ZNF804B: variants seen among roughly 807,000 people sequenced by gnomAD.
The protein encoded by ZNF804B is zinc finger 804B.
In ZNF804B, 80 loss-of-function variants were observed where a neutral mutation model predicts 101.4. The observed-to-expected ratio is 0.79, with a 90% CI of 0.66 to 0.95. The LOEUF is 0.95. Among genes scored for constraint, ZNF804B ranks in the 40% least tolerant of loss-of-function variants. The probability of loss-of-function intolerance (pLI) is 0.00; values close to 1 mark genes in which losing one functional copy is unlikely to be tolerated. For synonymous variants in ZNF804B, 622 were observed against 558.8 expected (o/e 1.11, Z -1.59); for missense variants, 1,673 against 1,561.9 (o/e 1.07, Z -1.20).
intron 2 of ZNF804B, among the ~76,000 whole-genome samples, chr7:89,219,887 A>G (rs1788956678): frequency 6.7e-6 from 1 of 148,326 alleles, no homozygotes; most frequent in African/African-American, 2.5e-5. Context: ...ATATGTGTGT[A>G]TATATGTATA....
intron 1 of ZNF804B, among the ~76,000 whole-genome samples, chr7:88,765,434 G>A (rs2698210): frequency 0.38 from 57,756 of 151,902 alleles, 13,680 homozygotes; most frequent in African/African-American, 0.68. Context: ...ACTAAAATAC[G>A]TATTTTTATG....
At chr7:89,142,429 C>T (rs149103995) in intron 1 of ZNF804B, among the ~76,000 whole-genome samples, 3 of 152,110 alleles carry the variant, frequency 2.0e-5, no homozygotes, top group East Asian at 3.9e-4. Flanking sequence ...ATGCCTTGAA[C>T]ATTCCAAATA....
At chr7:88,918,504 T>G (rs1792669839) in intron 1 of ZNF804B, among the ~76,000 whole-genome samples, 1 of 152,160 alleles carries the variant, frequency 6.6e-6, no homozygotes, top group South Asian at 2.1e-4. Context: ...AACTTTAATT[T>G]TAAACATTTG....
intron 1 of ZNF804B, among the ~76,000 whole-genome samples, chr7:89,109,072 G>T: frequency 6.6e-6 from 1 of 151,714 alleles, no homozygotes; most frequent in Admixed American, 6.6e-5. Context: ...TAATTAGTAA[G>T]AGAACATCAA....
intron 1 of ZNF804B, among the ~76,000 whole-genome samples, chr7:89,071,195 G>A (rs548335778): frequency 6.6e-6 from 1 of 152,120 alleles, no homozygotes; most frequent in East Asian, 1.9e-4. Context: ...CCCTTTTTCT[G>A]AGTGTTTTTG....
chr7:88,992,898 T>A (rs114025157), intron 1 of ZNF804B, among the ~76,000 whole-genome samples: 1 of 152,076 alleles, frequency 6.6e-6, no homozygotes, highest in African/African-American at 2.4e-5. Flanking sequence ...AGTTCACAGT[T>A]ACCTGTGAGG....
chr7:89,270,400 G>A (rs1021392611), intron 2 of ZNF804B, among the ~76,000 whole-genome samples: 1 of 151,788 alleles, frequency 6.6e-6, no homozygotes, highest in Admixed American at 6.6e-5. Context: ...ATTTTTGAGG[G>A]CTCTGTTCTG....
chr7:88,840,163 A>G (rs1791274667), intron 1 of ZNF804B, among the ~76,000 whole-genome samples: 1 of 152,172 alleles, frequency 6.6e-6, no homozygotes, highest in Non-Finnish European at 1.5e-5. Context: ...GCACAGAGGC[A>G]GAGTTCTGCA....
intron 1 of ZNF804B, among the ~76,000 whole-genome samples, chr7:89,177,417 A>G (rs796933659): frequency 6.6e-6 from 1 of 152,190 alleles, no homozygotes; most frequent in African/African-American, 2.4e-5. Flanking sequence ...ATGCGTTTGT[A>G]TAGTTTCTGA....
At chr7:89,136,321 A>AT (rs1163281312) in intron 1 of ZNF804B, among the ~76,000 whole-genome samples, 2 of 151,968 alleles carry the variant, frequency 1.3e-5, no homozygotes, top group Non-Finnish European at 2.9e-5. Context: ...TTGTGTGTGT[A>AT]TTTTTTTGGG....
At chr7:89,246,876 G>C (rs556058971) in intron 2 of ZNF804B, among the ~76,000 whole-genome samples, 32 of 152,212 alleles carry the variant, frequency 2.1e-4, no homozygotes, top group African/African-American at 7.0e-4. Flanking sequence ...CACCCTTCCT[G>C]TGCAGAGATC....
chr7:88,872,115 T>C (rs1232545693), intron 1 of ZNF804B, among the ~76,000 whole-genome samples: 2 of 152,254 alleles, frequency 1.3e-5, no homozygotes, highest in Non-Finnish European at 2.9e-5. Flanking sequence ...GGATTAATTC[T>C]TAAGTGTCTC....
At chr7:89,300,637 C>T (rs973845416) in intron 2 of ZNF804B, among the ~76,000 whole-genome samples, 1 of 151,750 alleles carries the variant, frequency 6.6e-6, no homozygotes, top group African/African-American at 2.4e-5. Flanking sequence ...AGCTGGAGAG[C>T]ATTGGAATGG....
intron 2 of ZNF804B, among the ~76,000 whole-genome samples, chr7:89,256,213 A>G (rs1022222477): frequency 3.3e-5 from 5 of 152,164 alleles, no homozygotes; most frequent in African/African-American, 1.2e-4. Flanking sequence ...TCTTATCAAA[A>G]CTGTTTATAA....
chr7:88,777,891 C>A (rs1790168909), intron 1 of ZNF804B, among the ~76,000 whole-genome samples: 1 of 148,454 alleles, frequency 6.7e-6, no homozygotes, highest in Non-Finnish European at 1.5e-5. Flanking sequence ...GAGGAAGTGG[C>A]ATTAACTAAT....
At chr7:89,183,397 A>AG (rs769809993) in intron 1 of ZNF804B, among the ~76,000 whole-genome samples, 12 of 152,268 alleles carry the variant, frequency 7.9e-5, no homozygotes, top group Admixed American at 3.9e-4. Flanking sequence ...GTAAAAAAAA[A>AG]GATCCTAAAA....
At chr7:88,888,407 T>G (rs1792166409) in intron 1 of ZNF804B, among the ~76,000 whole-genome samples, 1 of 152,038 alleles carries the variant, frequency 6.6e-6, no homozygotes, top group African/African-American at 2.4e-5. Context: ...TATATATATA[T>G]TAGTTTTATG....
At chr7:89,172,717 A>G (rs1012498530) in intron 1 of ZNF804B, among the ~76,000 whole-genome samples, 2 of 152,202 alleles carry the variant, frequency 1.3e-5, no homozygotes, top group African/African-American at 2.4e-5. Context: ...AGGGAATTGT[A>G]TCTCACTTAT....
chr7:88,761,410 T>C (rs1789894040), intron 1 of ZNF804B, among the ~76,000 whole-genome samples: 2 of 152,150 alleles, frequency 1.3e-5, no homozygotes, highest in South Asian at 4.1e-4. Flanking sequence ...CTTGCAGAGT[T>C]CTAGTTTAAT....
Sources: gnomAD v4.1 joint callset for allele counts (sites outside exome capture counted in the v4.1 genomes callset) on GRCh38, gnomAD v4.1.1 for gene constraint, MANE v1.5 for transcripts, NCBI Gene and HGNC (gene_info 2026-07-23, HGNC 2026-07-21) for gene names.